SLC9B2: variants seen among roughly 807,000 people sequenced by gnomAD.
SLC9B2 encodes the protein sodium/hydrogen exchanger 9B2.
SLC9B2 carries 39 observed loss-of-function variants against 52.2 expected under a neutral mutation model. The ratio of observed to expected loss-of-function variants is 0.75; its 90% CI spans 0.58 to 0.98. The LOEUF (loss-of-function observed/expected upper bound fraction) is 0.98, where lower values mean the gene tolerates loss of function less well. SLC9B2 is among the 50% of genes least tolerant of loss of function. The pLI, the probability that SLC9B2 is intolerant of heterozygous loss-of-function variation, is 0.00. For missense variants in SLC9B2, 626 were observed against 637.5 expected (o/e 0.98, Z 0.19); for synonymous variants, 214 against 227.0 (o/e 0.94, Z 0.51).
chr4:103,030,505 G>A (rs1311947555), intron 10 of SLC9B2, among the ~76,000 whole-genome samples: 1 of 152,030 alleles, frequency 6.6e-6, no homozygotes, highest in Non-Finnish European at 1.5e-5. Flanking sequence ...TTGTGTGATA[G>A]GCAGAAGCTG....
At chr4:103,055,240 G>C (rs1745027302) in intron 4 of SLC9B2, among the ~76,000 whole-genome samples, 1 of 130,796 alleles carries the variant, frequency 7.6e-6, no homozygotes, top group Non-Finnish European at 1.6e-5. Context: ...GGCCTGTTGT[G>C]GGGTGGGGGG....
At chr4:103,062,275 C>T (rs534498527) in intron 3 of SLC9B2, among the ~76,000 whole-genome samples, 6 of 152,046 alleles carry the variant, frequency 3.9e-5, no homozygotes, top group East Asian at 3.9e-4. Flanking sequence ...AAAAATTAGC[C>T]GGGCATGGTG....
In SLC9B2 at chr4:103,042,971, A is replaced by G. The variant is rs74871890; in HGVS notation, c.1146+325T>C. ...CAGATGAAATATGGTATGTAAGGAT[A>G]TATTATTGAAGCACTGTTTATCTTG... On this transcript the variant is annotated intron_variant, in intron 9 of 11. Transcript: ENST00000394785. 7.2e-4 allele frequency among the ~76,000 whole-genome samples: 109 copies of G among 152,218 alleles called. 1 individual carries two copies. The East Asian group carries it at 0.019, about 27-fold the overall frequency.
At chr4:103,073,197 C>T (rs1006040012) in intron 1 of SLC9B2, among the ~76,000 whole-genome samples, 1 of 152,056 alleles carries the variant, frequency 6.6e-6, no homozygotes, top group Non-Finnish European at 1.5e-5. Context: ...GTTACAGTAA[C>T]AAAAATGGAC....
intron 3 of SLC9B2, among the ~76,000 whole-genome samples, chr4:103,061,125 A>G (rs1274461632): frequency 6.6e-6 from 1 of 152,204 alleles, no homozygotes; most frequent in Non-Finnish European, 1.5e-5. Flanking sequence ...ATCTAGAACT[A>G]GAAATACCAT....
chr4:103,056,721 C>G (rs867004047), intron 4 of SLC9B2, among the ~76,000 whole-genome samples: 1 of 152,182 alleles, frequency 6.6e-6, no homozygotes, highest in Non-Finnish European at 1.5e-5. Context: ...TTCTATATAG[C>G]CAATTTATTC....
intron 1 of SLC9B2, among the ~76,000 whole-genome samples, chr4:103,070,879 T>A (rs911996215): frequency 4.0e-5 from 6 of 151,824 alleles, no homozygotes; most frequent in African/African-American, 1.5e-4. Context: ...CTGATGACAG[T>A]GAAAGAGATG....
intron 1 of SLC9B2, among the ~76,000 whole-genome samples, chr4:103,074,721 G>C (rs1746960075): frequency 6.6e-6 from 1 of 152,102 alleles, no homozygotes; most frequent in Admixed American, 6.6e-5. Flanking sequence ...AGAAAAGTTG[G>C]ACTTATAAAC....
At chr4:103,045,018 CTTA>C (rs2110606090) in intron 7 of SLC9B2, 22 bp from the exon 8 acceptor site, 3 of 1,522,086 alleles carry the variant, frequency 2.0e-6, no homozygotes, top group Non-Finnish European at 2.7e-6. Context: ...ATTAAAAAAA[CTTA>C]GAGCTCTAAA....
intron 9 of SLC9B2, among the ~76,000 whole-genome samples, chr4:103,035,179 C>T (rs1437391497): frequency 1.3e-5 from 2 of 152,110 alleles, no homozygotes; most frequent in Non-Finnish European, 2.9e-5. Context: ...TTGTTCTCCT[C>T]TATGTGTCCA....
Position 103,026,629 on chromosome 4 carries a change from G to A in SLC9B2, c.1393-38C>T, listed in dbSNP as rs768250836. On this transcript the variant is annotated intron_variant, in intron 11 of 11. Transcript: ENST00000394785. Reference sequence around the variant, plus strand: ...AAGGGTAAAAATGGAATCATGATAAGATAAGCACATATAAAAAAAGTGAGT... The same window carrying A: ...AAGGGTAAAAATGGAATCATGATAAAATAAGCACATATAAAAAAAGTGAGT... 7.8e-6 allele frequency: 12 copies of A among 1,543,260 alleles called. No individual in the cohort carries two copies. The Admixed American group carries it at 2.5e-4, about 32-fold the overall frequency.
At chr4:103,051,879 A>C (rs973649949) in intron 4 of SLC9B2, among the ~76,000 whole-genome samples, 2 of 152,126 alleles carry the variant, frequency 1.3e-5, no homozygotes, top group Non-Finnish European at 2.9e-5. Flanking sequence ...AAGCACATAT[A>C]TATTTGCTTT....
At chr4:103,034,491 A>T (rs1477824940) in intron 9 of SLC9B2, among the ~76,000 whole-genome samples, 1 of 152,218 alleles carries the variant, frequency 6.6e-6, no homozygotes, top group Non-Finnish European at 1.5e-5. Context: ...ACAGCAGAAG[A>T]TACTATCAAT....
chr4:103,037,922 G>A (rs1441108481), intron 9 of SLC9B2, among the ~76,000 whole-genome samples: 1 of 150,768 alleles, frequency 6.6e-6, no homozygotes, highest in Non-Finnish European at 1.5e-5. Context: ...GTGCAGTGGT[G>A]TGATCTTGGC....
chr4:103,028,874 A>G lies in SLC9B2; in HGVS notation c.1265T>C (p.Val422Ala), dbSNP rs1219251402. The G allele has an allele frequency of 6.3e-7, 1 of 1,582,860 alleles. No homozygotes were observed. Among genetic ancestry groups the G allele is most frequent in the Non-Finnish European group, 8.5e-7 (1 of 1,169,858 alleles). The change falls in exon 11 of 12, where the codon GTT (valine) becomes GCT (alanine). Residue 422 changes from valine to alanine, a missense_variant. By Grantham distance (64) the Val-to-Ala change is moderately conservative (BLOSUM62 0). Transcript: ENST00000394785. The stretch of plus-strand genomic sequence containing the variant: ...CAATACTGCAATGCCTACGGTGGCA[A>G]CACAAAGGCCTGTAAGAAATATTCA... ...SLRPETVGLC[V>A]ATVGIAVLIR...
chr4:103,067,600 GAA>G lies in SLC9B2; in HGVS notation c.-42-10_-42-9del. ...AGGGAAGAGGAACGAGATCTGTTTT[GAA>G]AGAGTATAGATATAGAGCAGTAATT... is the stretch of plus-strand genomic sequence containing the variant. On this transcript the variant is annotated splice_polypyrimidine_tract_variant and intron_variant, in intron 1 of 11. Coordinates refer to ENST00000394785, the MANE Select transcript of SLC9B2 (RefSeq NM_178833.7). 7.2e-7 allele frequency: 1 copy of G among 1,383,612 alleles called. No individual in the cohort carries two copies. Among genetic ancestry groups the G allele is most frequent in the Non-Finnish European group, 1.0e-6 (1 of 974,618 alleles). 85.7% of individuals were successfully genotyped at this position (1,383,612 alleles called of 1,614,324 possible). A position where few individuals can be genotyped will look rare whatever the true frequency, so the allele number is the denominator to read the frequency against.
At position 103,023,247 on chromosome 4, in the gene SLC9B2, A is replaced by G. The variant is rs577570231; in HGVS notation, c.*3123T>C. 6.6e-6 allele frequency among the ~76,000 whole-genome samples: 1 copy of G among 152,338 alleles called. No homozygotes were observed. Among genetic ancestry groups the G allele is most frequent in the East Asian group, 1.9e-4 (1 of 5,190 alleles). On this transcript the variant is annotated 3_prime_UTR_variant, in exon 12 of 12. Coordinates refer to ENST00000394785, the MANE Select transcript of SLC9B2 (RefSeq NM_178833.7). ...CCCTGTGAAAAATGCTGAGGATTCA[A>G]GGATAATTAAGACAAGGTTCCTACC...
chr4:103,063,864 A>C (rs148950985), intron 3 of SLC9B2, among the ~76,000 whole-genome samples: 5 of 152,344 alleles, frequency 3.3e-5, no homozygotes, highest in African/African-American at 1.2e-4. Context: ...CAAATAATCC[A>C]ATTTAAAATG....
At chr4:103,058,040 A>C (rs929065840) in intron 3 of SLC9B2, 69 bp from the exon 4 acceptor site, 11 of 1,330,182 alleles carry the variant, frequency 8.3e-6, no homozygotes, top group Admixed American at 4.6e-5. Context: ...AAAATCTAAA[A>C]TAATTTGTAA....
Sources: allele counts gnomAD v4.1 joint callset (sites outside exome capture counted in the v4.1 genomes callset), GRCh38; gene constraint gnomAD v4.1.1; transcripts MANE v1.5; gene names NCBI Gene and HGNC (gene_info 2026-07-23, HGNC 2026-07-21).